The following EPHX2 variants were observed in gnomAD, a reference collection of about 807,000 sequenced individuals.
EPHX2 encodes epoxide hydrolase 2, also known as bifunctional epoxide hydrolase 2.
Under a neutral mutation model 78.7 loss-of-function variants are expected in EPHX2, and 74 were observed. That is an observed-to-expected ratio of 0.94 (90% CI 0.78 to 1.14). EPHX2 has a LOEUF of 1.14. Ranked by LOEUF, EPHX2 falls within the 50% of genes most tolerant of loss-of-function variation. The pLI is 0.00. For missense variants in EPHX2, 715 were observed against 702.5 expected, an observed-to-expected ratio of 1.02 and a Z score of -0.20; for synonymous variants, 251 against 255.2, an observed-to-expected ratio of 0.98 and a Z score of 0.16.
In EPHX2 at chr8:27,525,114, G is replaced by A. The variant is rs543182582; in HGVS notation, c.1059-248G>A. Among the ~76,000 whole-genome samples, 574 of 150,712 alleles carry A rather than the reference G, an allele frequency of 3.8e-3. 3 individuals are homozygous for A. The highest frequency in any genetic ancestry group is 0.035 in the Middle Eastern group (10 of 286). ...TGTGTGTGTGTGTGTGTGTGCGCGC[G>A]CGCGCGCGCACCTATGTGTCTAAGG... On this transcript the variant is annotated intron_variant, in intron 11 of 18. Transcript: ENST00000521400.
At chr8:27,532,621 G>T (rs1159245019) in intron 12 of EPHX2, among the ~76,000 whole-genome samples, 1 of 152,086 alleles carries the variant, frequency 6.6e-6, no homozygotes. Context: ...GGCCGTTGCT[G>T]GCAATTCCTG....
At chr8:27,507,058 A>G (rs1814037541) in intron 5 of EPHX2, 64 bp downstream of exon 5, 1 of 1,583,994 alleles carries the variant, frequency 6.3e-7, no homozygotes. Context: ...ACTCAGGAGA[A>G]AACCACGAGC....
At chr8:27,523,279 G>T (rs1814714348) in intron 11 of EPHX2, among the ~76,000 whole-genome samples, 1 of 152,224 alleles carries the variant, frequency 6.6e-6, no homozygotes, top group Non-Finnish European at 1.5e-5. Flanking sequence ...ACCAGAAAAT[G>T]CTGTGCAAAT....
rs1182335703 is a variant in EPHX2 at position 27,539,906 on chromosome 8, C to T, written c.1277-648C>T. 3.3e-5 allele frequency among the ~76,000 whole-genome samples: 5 copies of T among 152,170 alleles called. No individual in the cohort carries two copies. The East Asian group carries it at 7.7e-4, about 23-fold the overall frequency. On this transcript the variant is annotated intron_variant, in intron 14 of 18. Coordinates refer to ENST00000521400, the MANE Select transcript of EPHX2 (RefSeq NM_001979.6). Reference sequence around the variant, plus strand: ...GTCTTCGTGAATCTGAAAATGCCGACGGGCCCTGTTCAGGCACCAGCATTG... The same window carrying T: ...GTCTTCGTGAATCTGAAAATGCCGATGGGCCCTGTTCAGGCACCAGCATTG...
chr8:27,508,750 CTTTG>C (rs1814114355), intron 5 of EPHX2, among the ~76,000 whole-genome samples: 2 of 152,088 alleles, frequency 1.3e-5, no homozygotes, highest in Admixed American at 1.3e-4. Flanking sequence ...AATTTGCCAT[CTTTG>C]TGTGTGTGTG....
chr8:27,512,096 T>TAAA, intron 6 of EPHX2, 186 bp downstream of exon 6: 4 of 221,548 alleles, frequency 1.8e-5, no homozygotes, highest in East Asian at 1.7e-4. Context: ...AAACCCTGTC[T>TAAA]CAAGAAAAAA....
At chr8:27,544,042 A>C (rs961016658) in intron 17 of EPHX2, 144 bp from the exon 18 acceptor site, 2 of 1,090,030 alleles carry the variant, frequency 1.8e-6, no homozygotes, top group Non-Finnish European at 2.8e-6. Context: ...TCATTCATTC[A>C]TTATTCCCTT....
At chr8:27,524,553 T>G (rs1217975239) in intron 11 of EPHX2, among the ~76,000 whole-genome samples, 1 of 152,220 alleles carries the variant, frequency 6.6e-6, no homozygotes, top group Non-Finnish European at 1.5e-5. Context: ...TCCCAACATA[T>G]TCCATTCCAT....
downstream of EPHX2, among the ~76,000 whole-genome samples, chr8:27,546,838 G>A (rs574466227): frequency 7.2e-4 from 109 of 152,226 alleles, 1 homozygote; most frequent in Middle Eastern, 3.4e-3. Flanking sequence ...ACGAACTACT[G>A]GAGACTGGCT....
chr8:27,542,808 A>G (rs1303921616), intron 16 of EPHX2, among the ~76,000 whole-genome samples: 2 of 151,876 alleles, frequency 1.3e-5, no homozygotes, highest in African/African-American at 4.8e-5. Context: ...CACCCAGCGA[A>G]TTTTTTGTGT....
chr8:27,528,661 C>A (rs1240313465), intron 12 of EPHX2, among the ~76,000 whole-genome samples: 1 of 152,196 alleles, frequency 6.6e-6, no homozygotes, highest in Non-Finnish European at 1.5e-5. Flanking sequence ...CTAACCCGCT[C>A]CCTCCCTGGC....
In EPHX2 at chr8:27,491,157, G is replaced by A; in HGVS notation, c.-52G>A. 1 of 1,513,720 alleles carries A rather than the reference G, an allele frequency of 6.6e-7. No individual in the cohort carries two copies. Among genetic ancestry groups the A allele is most frequent in the African/African-American group, 1.4e-5 (1 of 70,952 alleles). The allele number at this position is 1,513,720 out of a possible 1,614,324, so 93.8% of individuals were successfully genotyped here. On this transcript the variant is annotated 5_prime_UTR_variant, in exon 1 of 19. Transcript: ENST00000521400. ...GCGGGTCATGCGCCCTGGCCTTCGC[G>A]CATCTCCCAGGTTAGCTGCGTGTCC...
chr8:27,516,422 T>C, intron 8 of EPHX2, 24 bp downstream of exon 8: 1 of 1,609,844 alleles, frequency 6.2e-7, no homozygotes, highest in Non-Finnish European at 8.5e-7. Context: ...CTTGCAGCTG[T>C]CTTATGCTGG....
At position 27,525,093 on chromosome 8, in the gene EPHX2, TGTGTGTGTGTGTGTGC is replaced by T. The variant is rs1196772007; in HGVS notation, c.1059-267_1059-252del. ...CTGTGTGTGTGTGTGTGTGTGTGTG[TGTGTGTGTGTGTGTGC>T]GCGCGCGCGCGCGCACCTATGTGTC... On this transcript the variant is annotated intron_variant, in intron 11 of 18. Transcript: ENST00000521400. Among the ~76,000 whole-genome samples the T allele has an allele frequency of 1.4e-4, 20 of 145,454 alleles. 1 individual carries two copies. Among genetic ancestry groups the T allele is most frequent in the Admixed American group, 2.7e-4 (4 of 14,870 alleles).
At chr8:27,538,966 C>G (rs935578087) in intron 14 of EPHX2, 1 of 468,918 alleles carries the variant, frequency 2.1e-6, no homozygotes, top group African/African-American at 2.0e-5. Flanking sequence ...AAAATCCACC[C>G]TCTACTGATA....
chr8:27,491,746 A>G (rs1813387424), intron 1 of EPHX2, among the ~76,000 whole-genome samples: 1 of 152,228 alleles, frequency 6.6e-6, no homozygotes, highest in Non-Finnish European at 1.5e-5. Flanking sequence ...TGGGGTGTGC[A>G]GAGTGAGAGC....
rs1815288382 is a variant in EPHX2, at chr8:27,538,642, T to C, written c.1243-17T>C. 1.9e-6 allele frequency: 3 copies of C among 1,606,640 alleles called. No individual in the cohort carries two copies. Among genetic ancestry groups the C allele is most frequent in the Admixed American group, 3.4e-5 (2 of 59,404 alleles). On this transcript the variant is annotated splice_polypyrimidine_tract_variant and intron_variant, in intron 13 of 18. Transcript: ENST00000521400. ...ACCCATGACATCATTTGTAACTCTTTTCTTTTCTTCCTTCAGAGTGTTTTA... is the reference window on the plus strand; with the variant it reads ...ACCCATGACATCATTTGTAACTCTTCTCTTTTCTTCCTTCAGAGTGTTTTA...
chr8:27,533,882 C>G (rs1456851148), intron 12 of EPHX2, among the ~76,000 whole-genome samples: 1 of 152,196 alleles, frequency 6.6e-6, no homozygotes, highest in African/African-American at 2.4e-5. Context: ...GCCACCACAC[C>G]TAGACTCTTT....
chr8:27,536,580 G>GA (rs1466709980), intron 12 of EPHX2, among the ~76,000 whole-genome samples: 1 of 152,158 alleles, frequency 6.6e-6, no homozygotes, highest in Non-Finnish European at 1.5e-5. Context: ...CTCCCGTGGG[G>GA]AACTACAGTT....
Sources: allele counts gnomAD v4.1 joint callset (sites outside exome capture counted in the v4.1 genomes callset), GRCh38; gene constraint gnomAD v4.1.1; transcripts MANE v1.5; gene names NCBI Gene and HGNC (gene_info 2026-07-23, HGNC 2026-07-21).